The following ITGAX variants were observed in gnomAD, a reference collection of about 807,000 sequenced individuals.
ITGAX encodes integrin alpha-X.
Under a neutral mutation model 140.2 loss-of-function variants are expected in ITGAX, and 99 were observed. The ratio of observed to expected loss-of-function variants is 0.71; its 90% CI spans 0.60 to 0.83. ITGAX has a LOEUF of 0.83. ITGAX is among the 40% of genes least tolerant of loss of function. The pLI, the probability that ITGAX is intolerant of heterozygous loss-of-function variation, is 0.00. For missense variants in ITGAX, 1,444 were observed against 1,482.0 expected, an observed-to-expected ratio of 0.97 and a Z score of 0.42; for synonymous variants, 631 against 600.4, an observed-to-expected ratio of 1.05 and a Z score of -0.75.
intron 3 of ITGAX, 93 bp from the exon 4 acceptor site, chr16:31,356,938 C>T (rs1388140004): frequency 8.7e-7 from 1 of 1,145,612 alleles, no homozygotes; most frequent in Admixed American, 2.3e-5. Flanking sequence ...CGTCAGACCT[C>T]CTTGTCTCCC....
intron 28 of ITGAX, 65 bp from the exon 29 acceptor site, chr16:31,380,832 A>G: frequency 6.9e-7 from 1 of 1,446,606 alleles, no homozygotes; most frequent in Non-Finnish European, 9.7e-7. Context: ...AAGGTTGGGG[A>G]GCCTGGGAGG....
intron 14 of ITGAX, 100 bp downstream of exon 14, chr16:31,363,474 C>G (rs1168922083): frequency 3.0e-6 from 4 of 1,354,400 alleles, no homozygotes; most frequent in Non-Finnish European, 4.2e-6. Context: ...TTCCTACCTC[C>G]CTTGCCCAGC....
intron 4 of ITGAX, 75 bp downstream of exon 4, chr16:31,357,176 C>T (rs1359716092): frequency 6.4e-7 from 1 of 1,553,970 alleles, no homozygotes; most frequent in Non-Finnish European, 8.8e-7. Flanking sequence ...CTGGGAGTCT[C>T]CTGTAGGGTG....
At position 31,355,893 on chromosome 16, in the gene ITGAX, C is replaced by G. The variant is rs1225179684; in HGVS notation, c.38C>G (p.Ala13Gly). The part of the protein sequence containing the change: ...RTRAALLLFT[A>G]LATSLGFNLD... ...AGCTCTCTTCCCACCTCTTTCCCAG[C>G]CTTAGCAACTTCTCTAGGTTTCAAC... is the stretch of plus-strand genomic sequence containing the variant. The change falls in exon 2 of 30, where the codon GCC becomes GGC. Residue 13 changes from alanine to glycine, a missense_variant and splice_region_variant. Physicochemically the swap from Ala to Gly is moderately conservative, Grantham distance 60. Coordinates refer to ENST00000268296, the MANE Select transcript of ITGAX (RefSeq NM_000887.5). The G allele has an allele frequency of 6.2e-7, 1 of 1,611,718 alleles. No homozygotes were observed. Among genetic ancestry groups the G allele is most frequent in the Non-Finnish European group, 8.5e-7 (1 of 1,178,124 alleles).
chr16:31,363,124 G>A (rs566560969), intron 13 of ITGAX, 41 bp from the exon 14 acceptor site: 12 of 1,606,368 alleles, frequency 7.5e-6, no homozygotes, highest in Middle Eastern at 1.8e-4. Context: ...GTGGGTGGAG[G>A]GGTTGCCCGG....
chr16:31,373,256 TC>T lies in ITGAX; in HGVS notation c.2377del (p.Leu793CysfsTer9). ...GISFSFPGLKSLLVGSNLELN... is the reference protein window; with the variant it reads ...GISFSFPGLKXLLVGSNLELN... Reference sequence around the variant, plus strand: ...CCTTCACCTGATACCCAGCTTGAAGTCCCTGCTGGTGGGGAGTAACCTGGAG... The same window carrying T: ...CCTTCACCTGATACCCAGCTTGAAGTCCTGCTGGTGGGGAGTAACCTGGAG... On this transcript the variant is annotated frameshift_variant, in exon 20 of 30. Transcript: ENST00000268296. LOFTEE classifies it high-confidence loss of function. 1 of 1,611,298 alleles carries T rather than the reference TC, an allele frequency of 6.2e-7. No homozygotes were observed. Among genetic ancestry groups the T allele is most frequent in the Non-Finnish European group, 8.5e-7 (1 of 1,178,534 alleles).
In ITGAX at chr16:31,355,220, C is replaced by T; in HGVS notation, c.-35C>T. The T allele has an allele frequency of 6.2e-7, 1 of 1,612,760 alleles. No individual in the cohort carries two copies. The highest frequency in any genetic ancestry group is 8.5e-7 in the Non-Finnish European group (1 of 1,179,158). ...TGGTCCAGCTCTTCCTGCAACGGCC[C>T]AGGAGCTCAGAGCTCCACATCTGAC... On this transcript the variant is annotated 5_prime_UTR_variant, in exon 1 of 30. Transcript: ENST00000268296.
At chr16:31,371,829 C>T (rs779075125) in intron 17 of ITGAX, 45 bp downstream of exon 17, 3 of 1,600,018 alleles carry the variant, frequency 1.9e-6, no homozygotes, top group South Asian at 1.1e-5. Flanking sequence ...CTGGGGCTGG[C>T]AGAAGGCAGG....
At chr16:31,364,850 A>C (rs572410830) in intron 14 of ITGAX, among the ~76,000 whole-genome samples, 658 of 52,514 alleles carry the variant, frequency 0.013, 5 homozygotes, top group Non-Finnish European at 0.02. Flanking sequence ...TCTACTAAAA[A>C]TACAAAAAAA....
intron 8 of ITGAX, 56 bp downstream of exon 8, chr16:31,360,519 C>T: frequency 6.8e-7 from 1 of 1,476,264 alleles, no homozygotes; most frequent in Admixed American, 1.9e-5. Context: ...GGGCAACTCC[C>T]CTTTCTGTGT....
intron 29 of ITGAX, among the ~76,000 whole-genome samples, chr16:31,381,329 G>A (rs2081067203): frequency 6.6e-6 from 1 of 152,110 alleles, no homozygotes; most frequent in African/African-American, 2.4e-5. Context: ...TTGACCATAG[G>A]CCAGTGTCTG....
chr16:31,373,187 C>T, intron 19 of ITGAX, 62 bp from the exon 20 acceptor site: 6 of 836,080 alleles, frequency 7.2e-6, no homozygotes, highest in Non-Finnish European at 9.2e-6. Context: ...CCCATTTTAT[C>T]CCAGACCATT....
In ITGAX at chr16:31,361,887, G is replaced by C; in HGVS notation, c.1064G>C (p.Gly355Ala). Residue 355 changes from glycine to alanine, a missense_variant, in exon 10 of 30, where the codon GGC becomes GCC. Transcript: ENST00000268296. ...SSFELEMAQE[G>A]FSAVFTPDGP... ...TTCGAATTGGAGATGGCACAGGAGG[G>C]CTTCAGCGCTGTGTTCACACCTGTG... The C allele has an allele frequency of 1.2e-6, 2 of 1,614,096 alleles. No homozygotes were observed. Among genetic ancestry groups the C allele is most frequent in the African/African-American group, 1.3e-5 (1 of 75,048 alleles).
intron 20 of ITGAX, among the ~76,000 whole-genome samples, chr16:31,374,502 C>T (rs2142521829): frequency 6.6e-6 from 1 of 152,226 alleles, no homozygotes; most frequent in South Asian, 2.1e-4. Flanking sequence ...TGCAGTGGCA[C>T]AATTTCAGCT....
intron 14 of ITGAX, among the ~76,000 whole-genome samples, chr16:31,367,118 A>G (rs1343734082): frequency 6.6e-6 from 1 of 152,224 alleles, no homozygotes; most frequent in Non-Finnish European, 1.5e-5. Flanking sequence ...CTTCAGTTCT[A>G]TGAAGGCTGA....
chr16:31,373,022 G>A (rs947694779), intron 19 of ITGAX, among the ~76,000 whole-genome samples: 6 of 152,120 alleles, frequency 3.9e-5, no homozygotes, highest in Admixed American at 3.3e-4. Flanking sequence ...GAGCTCTGGA[G>A]TTGGAGGCTG....
intron 19 of ITGAX, 86 bp downstream of exon 19, chr16:31,372,756 T>C: frequency 7.8e-7 from 1 of 1,276,828 alleles, no homozygotes; most frequent in Non-Finnish European, 1.1e-6. Flanking sequence ...TCCCTAACAT[T>C]GTCTCATCCT....
Position 31,371,613 on chromosome 16 carries a change from C to T in ITGAX, c.2006-17C>T, listed in dbSNP as rs2080961766. On this transcript the variant is annotated splice_polypyrimidine_tract_variant and intron_variant, in intron 16 of 29. Coordinates refer to ENST00000268296, the MANE Select transcript of ITGAX (RefSeq NM_000887.5). The stretch of plus-strand genomic sequence containing the variant: ...AAGGAGTTCCTGTCTCAACGCCGTC[C>T]CTGCGACCGCCTACAGGTGACCTCC... 2 of 1,613,586 alleles carry T rather than the reference C, an allele frequency of 1.2e-6. No homozygotes were observed. The highest frequency in any genetic ancestry group is 1.7e-6 in the Non-Finnish European group (2 of 1,179,752).
Position 31,371,066 on chromosome 16 carries a change from C to G in ITGAX, c.1711-18C>G. ...CCCCTACTTTCCATCTTGATTCACCCTTCTCTCCTCTGGCCAGCGGATCGC... is the reference window on the plus strand; with the variant it reads ...CCCCTACTTTCCATCTTGATTCACCGTTCTCTCCTCTGGCCAGCGGATCGC... On this transcript the variant is annotated intron_variant, in intron 14 of 29. Coordinates refer to ENST00000268296, the MANE Select transcript of ITGAX (RefSeq NM_000887.5). 1 of 1,613,698 alleles carries G rather than the reference C, an allele frequency of 6.2e-7. No homozygotes were observed. Among genetic ancestry groups the G allele is most frequent in the South Asian group, 1.1e-5 (1 of 91,060 alleles).
Sources: allele counts gnomAD v4.1 joint callset (sites outside exome capture counted in the v4.1 genomes callset), GRCh38; gene constraint gnomAD v4.1.1; transcripts MANE v1.5; gene names NCBI Gene and HGNC (gene_info 2026-07-23, HGNC 2026-07-21).